The following LRRC37A2 variants were observed in gnomAD, a reference collection of about 807,000 sequenced individuals.
The protein encoded by LRRC37A2 is leucine-rich repeat-containing protein 37A2.
Under a neutral mutation model 68.8 loss-of-function variants are expected in LRRC37A2, and 9 were observed. That is an observed-to-expected ratio of 0.13 (90% confidence interval 0.08 to 0.23). The LOEUF is 0.23. LRRC37A2 is among the 10% of genes least tolerant of loss of function. LRRC37A2 has a pLI of 1.00. For missense variants in LRRC37A2, 168 were observed against 950.4 expected, an observed-to-expected ratio of 0.18 and a Z score of 10.82; for synonymous variants, 63 against 367.6, an observed-to-expected ratio of 0.17 and a Z score of 9.48.
At chr17:46,680,881 AT>A in the LRRC37A2 span, among the ~76,000 whole-genome samples, 1 of 63,786 alleles carries the variant, frequency 1.6e-5, no homozygotes, top group Non-Finnish European at 3.5e-5. Context: ...AAGAGGGATT[AT>A]TTCTTAAACA....
At chr17:46,970,535 CAAAAAAAAAAAAAA>C in the LRRC37A2 span, among the ~76,000 whole-genome samples, 2 of 51,168 alleles carry the variant, frequency 3.9e-5, no homozygotes, top group African/African-American at 1.4e-4. Flanking sequence ...GACTCCATCT[CAAAAAAAAAAAAAA>C]AAAAAAAAAA....
the LRRC37A2 span, among the ~76,000 whole-genome samples, chr17:46,779,103 A>ACACCCCCCC: frequency 2.3e-4 from 31 of 133,648 alleles, 1 homozygote; most frequent in Admixed American, 1.6e-3. Context: ...ACACACACAC[A>ACACCCCCCC]CCCCAGCCCA....
At chr17:46,782,400 A>G in the LRRC37A2 span, among the ~76,000 whole-genome samples, 1 of 152,178 alleles carries the variant, frequency 6.6e-6, no homozygotes, top group Non-Finnish European at 1.5e-5. Context: ...ACAACAGGCC[A>G]GGGCCAGGTG....
chr17:46,710,818 A>G, the LRRC37A2 span: 1 of 659,482 alleles, frequency 1.5e-6, no homozygotes, highest in Non-Finnish European at 2.3e-6. Context: ...GAGAAATTAT[A>G]CAAGTTGTTT....
the LRRC37A2 span, chr17:46,851,685 C>T: frequency 7.6e-7 from 1 of 1,308,694 alleles, no homozygotes; most frequent in Middle Eastern, 2.7e-4. This position sits in a 1 kb window ranked among gnomAD's most constrained non-coding sequence, Gnocchi z 4.3. Context: ...TGCCTGCTGG[C>T]GCTGCCCGCC....
chr17:46,924,710 T>C, the LRRC37A2 span, among the ~76,000 whole-genome samples: 2 of 152,216 alleles, frequency 1.3e-5, no homozygotes, highest in Non-Finnish European at 2.9e-5. Context: ...AATTTTCTTT[T>C]ACACTGGGGA....
chr17:46,551,001 T>A (rs2145836493), intron 11 of LRRC37A2, among the ~76,000 whole-genome samples: 2 of 149,916 alleles, frequency 1.3e-5, no homozygotes, highest in East Asian at 3.9e-4. Flanking sequence ...TAAGGCATTG[T>A]CTAAATAGGT....
At chr17:46,781,341 T>C in the LRRC37A2 span, among the ~76,000 whole-genome samples, 4 of 151,100 alleles carry the variant, frequency 2.6e-5, no homozygotes, top group South Asian at 2.1e-4. Flanking sequence ...GAACAAATAC[T>C]GTATGATTTC....
chr17:47,012,563 A>C, the LRRC37A2 span, among the ~76,000 whole-genome samples: 1 of 152,198 alleles, frequency 6.6e-6, no homozygotes, highest in Non-Finnish European at 1.5e-5. Context: ...TAAACTGGGC[A>C]AAAGTTTGGG....
the LRRC37A2 span, chr17:46,923,493 A>T: frequency 1.4e-6 from 2 of 1,383,018 alleles, no homozygotes; most frequent in African/African-American, 2.9e-5. Context: ...GGGTGACGGG[A>T]AACTGGCACC....
At chr17:46,968,054 G>T in the LRRC37A2 span, among the ~76,000 whole-genome samples, 1 of 152,094 alleles carries the variant, frequency 6.6e-6, no homozygotes, top group Admixed American at 6.6e-5. Flanking sequence ...GGACCAGCCT[G>T]GGATGGGGGC....
the LRRC37A2 span, among the ~76,000 whole-genome samples, chr17:46,928,739 C>G: frequency 6.6e-6 from 1 of 152,264 alleles, no homozygotes; most frequent in East Asian, 1.9e-4. Flanking sequence ...GCATCCTCTC[C>G]CCCAACCCGA....
chr17:46,789,378 G>A, the LRRC37A2 span, among the ~76,000 whole-genome samples: 5 of 152,176 alleles, frequency 3.3e-5, no homozygotes, highest in Non-Finnish European at 5.9e-5. Context: ...CACTTGGGGT[G>A]GTTTTGAAAA....
chr17:46,779,880 T>A, the LRRC37A2 span, among the ~76,000 whole-genome samples: 1 of 152,138 alleles, frequency 6.6e-6, no homozygotes, highest in Non-Finnish European at 1.5e-5. Flanking sequence ...TGCCTCGGCC[T>A]CTCAAGTAGC....
the LRRC37A2 span, among the ~76,000 whole-genome samples, chr17:46,954,636 T>C: frequency 1.3e-5 from 2 of 152,242 alleles, no homozygotes; most frequent in African/African-American, 4.8e-5. Context: ...AGTTTCATGA[T>C]ATTGATTCTT....
chr17:46,995,114 C>T, the LRRC37A2 span, among the ~76,000 whole-genome samples: 2 of 152,164 alleles, frequency 1.3e-5, no homozygotes, highest in Non-Finnish European at 2.9e-5. Context: ...CAGAGTGAGA[C>T]TGTCCCCCCA....
chr17:46,625,901 A>C, the LRRC37A2 span, among the ~76,000 whole-genome samples: 5 of 136,036 alleles, frequency 3.7e-5, no homozygotes, highest in Non-Finnish European at 6.2e-5. Context: ...AAAAAAAAAA[A>C]AAAGATACTG....
the LRRC37A2 span, among the ~76,000 whole-genome samples, chr17:46,439,411 T>A: frequency 6.8e-6 from 1 of 146,048 alleles, no homozygotes; most frequent in Non-Finnish European, 1.5e-5. Flanking sequence ...AGCATTTTGC[T>A]GTTTTATAAC....
the LRRC37A2 span, among the ~76,000 whole-genome samples, chr17:46,894,928 A>G: frequency 6.6e-6 from 1 of 152,208 alleles, no homozygotes; most frequent in South Asian, 2.1e-4. Context: ...GCACGGGGTC[A>G]TTAGCGGGGC....
Sources: allele counts gnomAD v4.1 joint callset (sites outside exome capture counted in the v4.1 genomes callset), GRCh38; gene constraint gnomAD v4.1.1; non-coding constraint Gnocchi (gnomAD v3.1); transcripts MANE v1.5; gene names NCBI Gene and HGNC (gene_info 2026-07-23, HGNC 2026-07-21).